THRAP3: variants seen among roughly 807,000 people sequenced by gnomAD.
THRAP3 encodes thyroid hormone receptor associated protein 3, also known as thyroid hormone receptor-associated protein 3.
Under a neutral mutation model 101.0 loss-of-function variants are expected in THRAP3, and 16 were observed. The ratio of observed to expected loss-of-function variants is 0.16; its 90% CI spans 0.11 to 0.24. The LOEUF is 0.24. Ranked by LOEUF, THRAP3 falls within the 10% of genes least tolerant of loss-of-function variation. THRAP3 has a pLI of 1.00. For synonymous variants in THRAP3, 407 were observed against 422.6 expected, an observed-to-expected ratio of 0.96 and a Z score of 0.45; for missense variants, 989 against 1,202.7, an observed-to-expected ratio of 0.82 and a Z score of 2.63.
chr1:36,225,525 C>T (rs1213591225), intron 1 of THRAP3: 2 of 152,156 alleles, frequency 1.3e-5, no homozygotes, highest in Admixed American at 1.3e-4. Flanking sequence ...AAATAAAAAT[C>T]ACTTAGCCAC....
chr1:36,296,613 G>T lies in THRAP3; in HGVS notation c.2146G>T (p.Asp716Tyr). ...AEGKYKDDPV[D>Y]LRLDIERRKK... ...GGGAAAATACAAAGATGATCCTGTTGATCTCCGCCTTGATATTGAACGTCG... is the reference window on the plus strand; with the variant it reads ...GGGAAAATACAAAGATGATCCTGTTTATCTCCGCCTTGATATTGAACGTCG... Residue 716 changes from aspartate to tyrosine, a missense_variant, in exon 9 of 12, where the codon GAT becomes TAT. Coordinates refer to ENST00000354618, the MANE Select transcript of THRAP3 (RefSeq NM_005119.4). The T allele has an allele frequency of 6.3e-7, 1 of 1,580,482 alleles. No homozygotes were observed. The highest frequency in any genetic ancestry group is 8.5e-7 in the Non-Finnish European group (1 of 1,169,930).
intron 2 of THRAP3, among the ~76,000 whole-genome samples, chr1:36,279,822 A>G (rs3105113): frequency 3.5e-4 from 54 of 152,250 alleles, no homozygotes; most frequent in African/African-American, 1.3e-3. Flanking sequence ...TTATTTGAAT[A>G]TAACAAAAAT....
chr1:36,257,277 T>G (rs1055731331), intron 1 of THRAP3, among the ~76,000 whole-genome samples: 6 of 152,170 alleles, frequency 3.9e-5, no homozygotes, highest in African/African-American at 7.2e-5. Flanking sequence ...TTGTATAACT[T>G]TTACTCCTCC....
chr1:36,226,164 C>G (rs1644959519), intron 1 of THRAP3, among the ~76,000 whole-genome samples: 1 of 151,948 alleles, frequency 6.6e-6, no homozygotes, highest in Admixed American at 6.6e-5. Flanking sequence ...CTATTTTGTT[C>G]CGAGGAATTG....
At chr1:36,300,335 T>C (rs1451645256) in intron 9 of THRAP3, among the ~76,000 whole-genome samples, 2 of 152,232 alleles carry the variant, frequency 1.3e-5, no homozygotes, top group African/African-American at 4.8e-5. Flanking sequence ...CACCTGAGCC[T>C]CCTACCTGTA....
At chr1:36,275,327 C>T (rs1255361208) in intron 2 of THRAP3, among the ~76,000 whole-genome samples, 4 of 145,056 alleles carry the variant, frequency 2.8e-5, no homozygotes, top group Non-Finnish European at 6.0e-5. Context: ...GTGGCTCACG[C>T]CTGTAATCCC....
At chr1:36,207,723 A>C in the THRAP3 span, among the ~76,000 whole-genome samples, 1 of 152,168 alleles carries the variant, frequency 6.6e-6, no homozygotes, top group Non-Finnish European at 1.5e-5. Flanking sequence ...GCTCTGAACT[A>C]AACAAAAAGA....
chr1:36,214,211 T>C, the THRAP3 span, among the ~76,000 whole-genome samples: 4 of 152,190 alleles, frequency 2.6e-5, no homozygotes, highest in African/African-American at 9.7e-5. Flanking sequence ...TGGCTCTCCG[T>C]AGGTGGCACA....
intron 2 of THRAP3, among the ~76,000 whole-genome samples, chr1:36,275,354 G>C (rs1191254799): frequency 4.8e-5 from 7 of 146,534 alleles, no homozygotes; most frequent in African/African-American, 1.8e-4. Flanking sequence ...TTGGGAGGCC[G>C]AGGCAGGTGG....
intron 1 of THRAP3, among the ~76,000 whole-genome samples, chr1:36,252,757 A>G (rs1409024081): frequency 6.6e-6 from 1 of 151,566 alleles, no homozygotes; most frequent in African/African-American, 2.4e-5. Context: ...ATACAAAAAA[A>G]TTAGCCAGGC....
chr1:36,300,916 A>G lies in THRAP3; in HGVS notation c.2334A>G (p.Arg778=). The G allele has an allele frequency of 2.5e-6, 4 of 1,613,720 alleles. No individual in the cohort carries two copies. Among genetic ancestry groups the G allele is most frequent in the Non-Finnish European group, 3.4e-6 (4 of 1,179,934 alleles). ...ATCGGAGAGCAAGAGACAGGTCCAG[A>G]TCCTCCTCCTCTTCCTCCCAGTCAT... ...KKHRRARDRS[R]SSSSSSQSSH... Residue 778 remains arginine (R), a synonymous_variant, in exon 10 of 12, where the codon AGA becomes AGG. Transcript: ENST00000354618.
At chr1:36,293,272 G>T (rs1005336142) in intron 7 of THRAP3, among the ~76,000 whole-genome samples, 4 of 152,038 alleles carry the variant, frequency 2.6e-5, no homozygotes, top group African/African-American at 9.7e-5. Flanking sequence ...CAGGTGACCT[G>T]CCCGCCTCAG....
chr1:36,292,845 C>CTA (rs1645894383), intron 7 of THRAP3, 136 bp downstream of exon 7: 1 of 622,106 alleles, frequency 1.6e-6, no homozygotes, highest in Non-Finnish European at 2.8e-6. Flanking sequence ...TCTAAGAGAG[C>CTA]TATAGGCATT....
rs6661588 is a variant in THRAP3 at position 36,232,141 on chromosome 1, G to A, written c.-135+7636G>A. ...TGAGGCAGGAGAATTACTTGAACCC[G>A]GGAGGCAAAGGTTGCAGTGAGCTGA... On this transcript the variant is annotated intron_variant, in intron 1 of 11. Coordinates refer to ENST00000354618, the MANE Select transcript of THRAP3 (RefSeq NM_005119.4). Among the ~76,000 whole-genome samples, 390 of 152,272 alleles carry A rather than the reference G, an allele frequency of 2.6e-3. 1 individual carries two copies. The highest frequency in any genetic ancestry group is 9.1e-3 in the African/African-American group (378 of 41,558).
chr1:36,231,395 GT>G (rs1230413596), intron 1 of THRAP3, among the ~76,000 whole-genome samples: 1 of 152,084 alleles, frequency 6.6e-6, no homozygotes, highest in African/African-American at 2.4e-5. Flanking sequence ...GTTCTGCTTG[GT>G]TTGCTTTATA....
chr1:36,276,523 CAAAAAAAAAA>C (rs35609256), intron 2 of THRAP3, among the ~76,000 whole-genome samples: 1 of 112,774 alleles, frequency 8.9e-6, no homozygotes, highest in Non-Finnish European at 1.8e-5. Flanking sequence ...GACTCTGTCT[CAAAAAAAAAA>C]AAAAAAAAGG....
At chr1:36,220,870 G>A (rs887352968), upstream of THRAP3, among the ~76,000 whole-genome samples, 1 of 148,114 alleles carries the variant, frequency 6.8e-6, no homozygotes, top group African/African-American at 2.5e-5. Flanking sequence ...CAGGAGGATC[G>A]CTTGAACCCG....
At chr1:36,225,702 G>A (rs145079738) in intron 1 of THRAP3, among the ~76,000 whole-genome samples, 60 of 152,262 alleles carry the variant, frequency 3.9e-4, no homozygotes, top group East Asian at 1.3e-3. Context: ...ACAGTCTGAC[G>A]TGTGTATTAT....
At chr1:36,290,583 A>T (rs1366492874) in intron 5 of THRAP3, among the ~76,000 whole-genome samples, 2 of 152,180 alleles carry the variant, frequency 1.3e-5, no homozygotes, top group African/African-American at 4.8e-5. Flanking sequence ...CTCCTGCCTT[A>T]GCCTCCCCAG....
Sources: gnomAD v4.1 joint callset for allele counts (sites outside exome capture counted in the v4.1 genomes callset) on GRCh38, gnomAD v4.1.1 for gene constraint, MANE v1.5 for transcripts, NCBI Gene and HGNC (gene_info 2026-07-23, HGNC 2026-07-21) for gene names.